Variants in ALG12 observed in about 807,000 individuals in gnomAD.
ALG12 encodes dol-P-Man:Man(7)GlcNAc(2)-PP-Dol alpha-1,6-mannosyltransferase.
A neutral mutation model predicts 46.0 loss-of-function variants in ALG12; 36 were observed. The observed-to-expected ratio is 0.78, with a 90% CI of 0.60 to 1.03. The LOEUF (loss-of-function observed/expected upper bound fraction) is 1.03, where lower values mean the gene tolerates loss of function less well. Among genes scored for constraint, ALG12 ranks in the 50% least tolerant of loss-of-function variants. The probability of loss-of-function intolerance (pLI) is 0.00; values close to 1 mark genes in which losing one functional copy is unlikely to be tolerated. For missense variants in ALG12, 599 were observed against 633.5 expected (o/e 0.95, Z 0.58); for synonymous variants, 326 against 291.6 (o/e 1.12, Z -1.20).
At chr22:49,904,289 C>G in intron 8 of ALG12, 35 bp from the exon 9 acceptor site, 1 of 1,614,192 alleles carries the variant, frequency 6.2e-7, no homozygotes, top group Non-Finnish European at 8.5e-7. Context: ...GAGCCCAGCC[C>G]TGCAGTCGGA....
the ALG12 span, among the ~76,000 whole-genome samples, chr22:49,882,812 C>T: frequency 2.8e-4 from 42 of 152,330 alleles, no homozygotes; most frequent in Middle Eastern, 3.4e-3. Flanking sequence ...CGGTTTTCAC[C>T]CACAGGACGC....
chr22:49,884,677 G>A, the ALG12 span: 113 of 1,607,902 alleles, frequency 7.0e-5, no homozygotes, highest in Non-Finnish European at 8.6e-5. Flanking sequence ...CCGCGCCATC[G>A]TGTTGCAGGA....
At chr22:49,884,977 A>G in the ALG12 span, 1 of 1,613,496 alleles carries the variant, frequency 6.2e-7, no homozygotes, top group Non-Finnish European at 8.5e-7. Context: ...GCTGAGTCCT[A>G]GATTGTTTGA....
At chr22:49,889,744 GC>G in the ALG12 span, 1 of 167,186 alleles carries the variant, frequency 6.0e-6, no homozygotes, top group Non-Finnish European at 1.5e-5. Context: ...TGGACAAGAG[GC>G]CCAGTGCTGA....
At chr22:49,911,559 G>A (rs778714367) in intron 3 of ALG12, among the ~76,000 whole-genome samples, 10 of 152,020 alleles carry the variant, frequency 6.6e-5, no homozygotes, top group South Asian at 6.2e-4. Context: ...CTCAGCCTCC[G>A]GAGTAGCTGG....
At chr22:49,910,164 G>T in intron 4 of ALG12, 76 bp from the exon 5 acceptor site, 3 of 1,328,710 alleles carry the variant, frequency 2.3e-6, no homozygotes, top group Non-Finnish European at 2.1e-6. Context: ...GGAAGTGAAG[G>T]GTGATTCCTT....
chr22:49,893,122 A>G, the ALG12 span, among the ~76,000 whole-genome samples: 1 of 152,250 alleles, frequency 6.6e-6, no homozygotes, highest in Non-Finnish European at 1.5e-5. Context: ...AAGACAAGCC[A>G]GTAGAAAACA....
At chr22:49,884,170 A>G in the ALG12 span, 1 of 1,612,292 alleles carries the variant, frequency 6.2e-7, no homozygotes, top group Non-Finnish European at 8.5e-7. Context: ...GACCGTGCTC[A>G]TTCAGGAAAA....
At chr22:49,915,432 C>A (rs2060604136) in intron 1 of ALG12, among the ~76,000 whole-genome samples, 1 of 152,060 alleles carries the variant, frequency 6.6e-6, no homozygotes, top group Non-Finnish European at 1.5e-5. Flanking sequence ...TAGTGCACGC[C>A]TATAATCCCA....
At chr22:49,916,556 G>C (rs544034279) in intron 1 of ALG12, among the ~76,000 whole-genome samples, 55 of 152,240 alleles carry the variant, frequency 3.6e-4, no homozygotes, top group Non-Finnish European at 6.8e-4. Context: ...CTCCAGCCTG[G>C]ACAACAGAGC....
chr22:49,912,505 G>A lies in ALG12; in HGVS notation c.295+880C>T, dbSNP rs907486653. ...CCTGATGCCTCTACAGGACATGCAC[G>A]GCTTGTCCAGCTGTCCCCGTGCCAT... On this transcript the variant is annotated intron_variant, in intron 3 of 9. Coordinates refer to ENST00000330817, the MANE Select transcript of ALG12 (RefSeq NM_024105.4). 3.3e-5 allele frequency among the ~76,000 whole-genome samples: 5 copies of A among 152,248 alleles called. No homozygotes were observed. The East Asian group carries it at 5.8e-4, about 18-fold the overall frequency.
the ALG12 span, chr22:49,886,404 C>A: frequency 6.2e-7 from 1 of 1,605,390 alleles, no homozygotes; most frequent in Non-Finnish European, 8.5e-7. This position sits in a 1 kb window ranked among gnomAD's most constrained non-coding sequence, Gnocchi z 7.7. Context: ...AGATGTCCGT[C>A]GAGTGTAACT....
chr22:49,884,740 C>T, the ALG12 span: 1 of 1,593,470 alleles, frequency 6.3e-7, no homozygotes, highest in Admixed American at 1.7e-5. Flanking sequence ...CACTCTGCTG[C>T]CTTCCTTGCT....
chr22:49,913,410 C>T lies in ALG12; in HGVS notation c.270G>A (p.Met90Ile), dbSNP rs746066242. Reference protein sequence around the residue: ...PAVYVLSLLEMSKFYSQLIVR... With the variant: ...PAVYVLSLLEISKFYSQLIVR... ...CTATTAGCTGAGAGTAAAACTTGGA[C>T]ATTTCTAACAGCGAAAGCACGTAAA... Residue 90 changes from methionine (M) to isoleucine (I), a missense_variant, in exon 3 of 10, where the codon ATG becomes ATA. Coordinates refer to ENST00000330817, the MANE Select transcript of ALG12 (RefSeq NM_024105.4). 5 of 1,613,874 alleles carry T rather than the reference C, an allele frequency of 3.1e-6. No homozygotes were observed. The African/African-American group carries it at 6.7e-5, about 22-fold the overall frequency.
intron 1 of ALG12, 130 bp from the exon 2 acceptor site, chr22:49,913,973 G>A (rs529385531): frequency 2.1e-5 from 13 of 624,340 alleles, no homozygotes; most frequent in East Asian, 1.4e-4. Flanking sequence ...ATCTGAAAAC[G>A]CATCAAGATG....
At chr22:49,886,832 ACT>A in the ALG12 span, 1 of 1,613,640 alleles carries the variant, frequency 6.2e-7, no homozygotes. This position sits in a 1 kb window ranked among gnomAD's most constrained non-coding sequence, Gnocchi z 7.7. Context: ...CCGTCGAAAG[ACT>A]CTGCCGCAGA....
At position 49,906,628 on chromosome 22, in the gene ALG12, CT is replaced by C. The variant is rs1292223458; in HGVS notation, c.992+1092del. On this transcript the variant is annotated intron_variant, in intron 7 of 9. Transcript: ENST00000330817. This position sits in a 1 kb window ranked among gnomAD's most constrained non-coding sequence, Gnocchi z 4.4. ...TGAGATCAGGGACCGCATTGTGGGG[CT>C]TCCTCTCCAGCCAGAGTGGGCACCT... 6.6e-6 allele frequency among the ~76,000 whole-genome samples: 1 copy of C among 152,218 alleles called. No individual in the cohort carries two copies. The highest frequency in any genetic ancestry group is 1.9e-4 in the East Asian group (1 of 5,196).
chr22:49,871,946 A>G, the ALG12 span, among the ~76,000 whole-genome samples: 17 of 152,038 alleles, frequency 1.1e-4, no homozygotes, highest in African/African-American at 4.1e-4. Flanking sequence ...AGGTTTCACC[A>G]TGTTGGCCAG....
At chr22:49,886,341 C>T in the ALG12 span, 1 of 1,604,090 alleles carries the variant, frequency 6.2e-7, no homozygotes, top group African/African-American at 1.3e-5. The surrounding 1 kb of genome is among the most constrained non-coding windows in gnomAD (Gnocchi z 7.7). Flanking sequence ...CCAAGTGGAG[C>T]ACTTCCTTCC....
Sources: allele counts gnomAD v4.1 joint callset (sites outside exome capture counted in the v4.1 genomes callset), GRCh38; gene constraint gnomAD v4.1.1; non-coding constraint Gnocchi (gnomAD v3.1); transcripts MANE v1.5; gene names NCBI Gene and HGNC (gene_info 2026-07-23, HGNC 2026-07-21).